The following SH3RF3 variants were observed in gnomAD, a reference collection of about 807,000 sequenced individuals.
SH3RF3 encodes the protein SH3 domain containing ring finger 3.
SH3RF3 carries 29 observed loss-of-function variants against 66.3 expected under a neutral mutation model. That is an observed-to-expected ratio of 0.44 (90% CI 0.33 to 0.60). The LOEUF (loss-of-function observed/expected upper bound fraction) is 0.60. SH3RF3 is among the 20% of genes least tolerant of loss of function. SH3RF3 has a pLI of 0.04. For synonymous variants in SH3RF3, 583 were observed against 532.0 expected, an observed-to-expected ratio of 1.10 and a Z score of -1.32; for missense variants, 1,194 against 1,190.9, an observed-to-expected ratio of 1.00 and a Z score of -0.04.
chr2:109,274,141 C>T lies in SH3RF3; in HGVS notation c.574-73533C>T, dbSNP rs536881183. On this transcript the variant is annotated intron_variant, in intron 1 of 9. Transcript: ENST00000309415. Reference sequence around the variant, plus strand: ...AGTATGTCAAAGGCAACTTGTAGTTCTGGAAATCTTCTAGGATCTGGATTT... The same window carrying T: ...AGTATGTCAAAGGCAACTTGTAGTTTTGGAAATCTTCTAGGATCTGGATTT... Among the ~76,000 whole-genome samples the T allele has an allele frequency of 6.6e-5, 10 of 152,260 alleles. No homozygotes were observed. The South Asian group carries it at 2.1e-3, about 32-fold the overall frequency.
intron 1 of SH3RF3, among the ~76,000 whole-genome samples, chr2:109,179,120 T>C (rs1326456834): frequency 6.6e-6 from 1 of 151,868 alleles, no homozygotes; most frequent in African/African-American, 2.4e-5. Context: ...TGAAATGTCA[T>C]GGCAGCTGGA....
In SH3RF3 at chr2:109,419,767, T is replaced by C. The variant is rs1044575592; in HGVS notation, c.1403+125T>C. The C allele has an allele frequency of 7.2e-6, 6 of 837,302 alleles. No homozygotes were observed. The Admixed American group carries it at 1.3e-4, about 18-fold the overall frequency. The allele number at this position is 837,302 out of a possible 1,614,324, so 51.9% of individuals were successfully genotyped here. The stretch of plus-strand genomic sequence containing the variant: ...TGTTACTAGTTGGCCAGTATAGTTA[T>C]GTGCGTCTAATAACACCGCTGAAGG... On this transcript the variant is annotated intron_variant, in intron 5 of 9. Coordinates refer to ENST00000309415, the MANE Select transcript of SH3RF3 (RefSeq NM_001099289.3).
At chr2:109,266,049 T>G (rs1480139441) in intron 1 of SH3RF3, among the ~76,000 whole-genome samples, 1 of 151,974 alleles carries the variant, frequency 6.6e-6, no homozygotes, top group Non-Finnish European at 1.5e-5. Flanking sequence ...GTGTGTTGTA[T>G]GTGCATGTGT....
At chr2:109,446,091 T>A (rs572535672) in intron 7 of SH3RF3, among the ~76,000 whole-genome samples, 11 of 152,092 alleles carry the variant, frequency 7.2e-5, no homozygotes, top group Non-Finnish European at 1.6e-4. Flanking sequence ...TAACGAGTAG[T>A]CCCAGCCAGC....
chr2:109,501,396 A>G (rs1679380926), intron 9 of SH3RF3, 107 bp from the exon 10 acceptor site: 1 of 570,346 alleles, frequency 1.8e-6, no homozygotes, highest in African/African-American at 1.9e-5. Flanking sequence ...ATAAAGTGGG[A>G]AAATAGCAGC....
chr2:109,395,581 G>A (rs760611429), intron 3 of SH3RF3, among the ~76,000 whole-genome samples: 9 of 152,158 alleles, frequency 5.9e-5, no homozygotes, highest in African/African-American at 1.2e-4. Context: ...TTTCAGCACC[G>A]GCCTTCGGCT....
chr2:109,359,988 A>G (rs1490444596), intron 2 of SH3RF3, among the ~76,000 whole-genome samples: 2 of 151,722 alleles, frequency 1.3e-5, no homozygotes, highest in East Asian at 1.9e-4. Context: ...TTTAAAAGCC[A>G]TCCAGCAGAA....
At position 109,400,999 on chromosome 2, in the gene SH3RF3, G is replaced by T. The variant is rs1250561336; in HGVS notation, c.1299+2056G>T. Among the ~76,000 whole-genome samples, 4 of 152,220 alleles carry T rather than the reference G, an allele frequency of 2.6e-5. No individual in the cohort carries two copies. The East Asian group carries it at 7.7e-4, about 29-fold the overall frequency. On this transcript the variant is annotated intron_variant, in intron 4 of 9. Transcript: ENST00000309415. ...TCCTATTTGGAAATTCCTGGGAGGG[G>T]CATGGTGACCCAGTGGCGGACCAGT...
At chr2:109,225,241 A>T (rs1259737003) in intron 1 of SH3RF3, among the ~76,000 whole-genome samples, 13 of 152,226 alleles carry the variant, frequency 8.5e-5, no homozygotes, top group Non-Finnish European at 1.5e-5. Flanking sequence ...CTATTTTAAT[A>T]ACGATAATAA....
At chr2:109,202,995 T>C (rs1678720137) in intron 1 of SH3RF3, among the ~76,000 whole-genome samples, 1 of 152,182 alleles carries the variant, frequency 6.6e-6, no homozygotes, top group South Asian at 2.1e-4. Flanking sequence ...CCTAACAAGG[T>C]AACACTTGGG....
chr2:109,276,620 AT>A (rs1680763861), intron 1 of SH3RF3, among the ~76,000 whole-genome samples: 1 of 152,226 alleles, frequency 6.6e-6, no homozygotes, highest in African/African-American at 2.4e-5. Flanking sequence ...TTGTTTTGCC[AT>A]GGTGCTTTGG....
Position 109,436,960 on chromosome 2 carries a change from A to T in SH3RF3, c.1642A>T (p.Ile548Leu). ...VVGGSPLAKGITTTMHPGSGS... is the reference protein window; with the variant it reads ...VVGGSPLAKGLTTTMHPGSGS... ...CGGAGGGTCTCCACTGGCCAAAGGG[A>T]TAACCACAACCATGCACCCAGGCAG... Residue 548 changes from isoleucine to leucine, a missense_variant, in exon 7 of 10, where the codon ATA (isoleucine) becomes TTA (leucine). By Grantham distance (5) the Ile-to-Leu change is conservative (BLOSUM62 2). Coordinates refer to ENST00000309415, the MANE Select transcript of SH3RF3 (RefSeq NM_001099289.3). The T allele has an allele frequency of 6.2e-7, 1 of 1,613,868 alleles. No individual in the cohort carries two copies. The highest frequency in any genetic ancestry group is 8.5e-7 in the Non-Finnish European group (1 of 1,179,894).
intron 1 of SH3RF3, among the ~76,000 whole-genome samples, chr2:109,340,665 ATTGTTT>A (rs1399827480): frequency 1.3e-5 from 2 of 152,138 alleles, no homozygotes; most frequent in Non-Finnish European, 2.9e-5. Flanking sequence ...GTCAATGATC[ATTGTTT>A]TTATAGCTCC....
chr2:109,259,582 C>T (rs938587363), intron 1 of SH3RF3, among the ~76,000 whole-genome samples: 15 of 152,202 alleles, frequency 9.9e-5, no homozygotes, highest in African/African-American at 2.7e-4. Flanking sequence ...CCACAATGCC[C>T]TGGAGTTACC....
At chr2:109,173,185 C>G (rs11123725) in intron 1 of SH3RF3, among the ~76,000 whole-genome samples, 1 of 151,872 alleles carries the variant, frequency 6.6e-6, no homozygotes, top group Admixed American at 6.6e-5. Context: ...TCATGGAAAT[C>G]GAACACAGAC....
chr2:109,372,660 A>G (rs528356980), intron 3 of SH3RF3, among the ~76,000 whole-genome samples: 1 of 152,368 alleles, frequency 6.6e-6, no homozygotes, highest in Non-Finnish European at 1.5e-5. Context: ...CCAAGGTTTC[A>G]GCGCGGGCCT....
intron 1 of SH3RF3, among the ~76,000 whole-genome samples, chr2:109,186,279 T>A (rs1558946309): frequency 1.3e-5 from 2 of 152,258 alleles, no homozygotes; most frequent in Non-Finnish European, 2.9e-5. Context: ...GATGAATTCA[T>A]GTAATCCTGA....
At chr2:109,187,084 A>G (rs559377631) in intron 1 of SH3RF3, among the ~76,000 whole-genome samples, 1 of 149,992 alleles carries the variant, frequency 6.7e-6, no homozygotes, top group East Asian at 2.1e-4. Flanking sequence ...ATATTTTGCT[A>G]GCATCATGAC....
intron 2 of SH3RF3, among the ~76,000 whole-genome samples, chr2:109,370,332 C>T (rs924240663): frequency 1.6e-4 from 24 of 151,890 alleles, no homozygotes; most frequent in Non-Finnish European, 2.8e-4. Flanking sequence ...CTCTGCCTCC[C>T]GGGTTCAAGC....
Sources: gnomAD v4.1 joint callset for allele counts (sites outside exome capture counted in the v4.1 genomes callset) on GRCh38, gnomAD v4.1.1 for gene constraint, MANE v1.5 for transcripts, NCBI Gene and HGNC (gene_info 2026-07-23, HGNC 2026-07-21) for gene names.